The following CDKAL1 variants were observed in gnomAD, a reference collection of about 807,000 sequenced individuals.
The protein encoded by CDKAL1 is CDKAL1 threonylcarbamoyladenosine tRNA methylthiotransferase, also known as threonylcarbamoyladenosine tRNA methylthiotransferase.
In CDKAL1, 32 loss-of-function variants were observed where a neutral mutation model predicts 68.2. The observed-to-expected ratio is 0.47, with a 90% CI of 0.35 to 0.63. CDKAL1 has a LOEUF of 0.63. Among genes scored for constraint, CDKAL1 ranks in the 30% least tolerant of loss-of-function variants. The probability of loss-of-function intolerance (pLI) is 0.00; values close to 1 mark genes in which losing one functional copy is unlikely to be tolerated. For missense variants in CDKAL1, 606 were observed against 696.7 expected, an observed-to-expected ratio of 0.87 and a Z score of 1.47; for synonymous variants, 234 against 244.3, an observed-to-expected ratio of 0.96 and a Z score of 0.39.
chr6:20,976,992 A>G (rs1403281684), intron 10 of CDKAL1, among the ~76,000 whole-genome samples: 1 of 152,102 alleles, frequency 6.6e-6, no homozygotes, highest in Non-Finnish European at 1.5e-5. Flanking sequence ...GACATAATAC[A>G]CTCATTTCTC....
chr6:20,588,533 C>G (rs1400600883), intron 4 of CDKAL1, among the ~76,000 whole-genome samples: 1 of 152,164 alleles, frequency 6.6e-6, no homozygotes, highest in African/African-American at 2.4e-5. Context: ...AAGGCATCTT[C>G]GATTACAGAA....
chr6:21,043,703 G>C (rs1028010777), intron 11 of CDKAL1, among the ~76,000 whole-genome samples: 1 of 151,940 alleles, frequency 6.6e-6, no homozygotes, highest in Non-Finnish European at 1.5e-5. Context: ...TGTCGTATTC[G>C]GTTTATTTAT....
At chr6:20,852,448 C>T (rs904469218) in intron 9 of CDKAL1, among the ~76,000 whole-genome samples, 2 of 152,068 alleles carry the variant, frequency 1.3e-5, no homozygotes, top group African/African-American at 4.8e-5. Flanking sequence ...TATTTTCTAC[C>T]TGGCTTTTTC....
At chr6:21,211,024 C>T (rs1779129309) in intron 15 of CDKAL1, among the ~76,000 whole-genome samples, 1 of 152,216 alleles carries the variant, frequency 6.6e-6, no homozygotes, top group South Asian at 2.1e-4. Context: ...CCAAGTCTCA[C>T]ATTTACACCC....
intron 13 of CDKAL1, among the ~76,000 whole-genome samples, chr6:21,111,736 G>A (rs1461101294): frequency 6.6e-6 from 1 of 152,190 alleles, no homozygotes; most frequent in Non-Finnish European, 1.5e-5. Flanking sequence ...CTTGAGACTA[G>A]AAGAATTTCA....
intron 5 of CDKAL1, among the ~76,000 whole-genome samples, chr6:20,699,487 C>T (rs1457953285): frequency 5.9e-5 from 9 of 151,832 alleles, no homozygotes; most frequent in East Asian, 2.0e-4. Flanking sequence ...GAAGCATACT[C>T]GCTTAAAAAT....
chr6:20,960,323 G>T (rs1293580379), intron 10 of CDKAL1, among the ~76,000 whole-genome samples: 1 of 152,130 alleles, frequency 6.6e-6, no homozygotes, highest in Non-Finnish European at 1.5e-5. Context: ...GGGTTCGAAA[G>T]GTTAGATAAC....
intron 5 of CDKAL1, among the ~76,000 whole-genome samples, chr6:20,724,050 A>G (rs1197904439): frequency 6.6e-6 from 1 of 152,146 alleles, no homozygotes; most frequent in Non-Finnish European, 1.5e-5. Context: ...TTCCCACCTC[A>G]GCCTCCCGAG....
chr6:21,100,081 A>C (rs1398727378), intron 12 of CDKAL1, among the ~76,000 whole-genome samples: 2 of 152,126 alleles, frequency 1.3e-5, no homozygotes, highest in Non-Finnish European at 2.9e-5. Flanking sequence ...AAGACCTGCC[A>C]GGATAAATGG....
intron 10 of CDKAL1, among the ~76,000 whole-genome samples, chr6:20,991,147 A>C (rs1287554285): frequency 6.6e-6 from 1 of 152,260 alleles, no homozygotes; most frequent in African/African-American, 2.4e-5. Context: ...TCGTTACAGC[A>C]GGGATGAAAG....
intron 8 of CDKAL1, among the ~76,000 whole-genome samples, chr6:20,804,759 G>C (rs1581612723): frequency 6.6e-6 from 1 of 152,060 alleles, no homozygotes; most frequent in African/African-American, 2.4e-5. Context: ...TGGGGCCATG[G>C]GGGTGAGGTT....
intron 14 of CDKAL1, among the ~76,000 whole-genome samples, chr6:21,199,394 G>A (rs1778599002): frequency 6.6e-6 from 1 of 152,184 alleles, no homozygotes; most frequent in Non-Finnish European, 1.5e-5. Context: ...TGTCTGGCCT[G>A]CATCGCTTCC....
chr6:20,828,607 A>T (rs1463911339), intron 8 of CDKAL1, among the ~76,000 whole-genome samples: 1 of 152,164 alleles, frequency 6.6e-6, no homozygotes, highest in Non-Finnish European at 1.5e-5. Flanking sequence ...GTAATTGGTG[A>T]ACTGTTGGAA....
At position 20,612,633 on chromosome 6, in the gene CDKAL1, G is replaced by A. The variant is rs1048899865; in HGVS notation, c.287-36660G>A. The stretch of plus-strand genomic sequence containing the variant: ...TGCTGTTGAGTTCCTTATATATTCC[G>A]CTTATTAATTCTTTGTCAGAGGAAT... On this transcript the variant is annotated intron_variant, in intron 4 of 15. Transcript: ENST00000274695. 1.3e-4 allele frequency among the ~76,000 whole-genome samples: 20 copies of A among 151,530 alleles called. 1 individual carries two copies. The highest frequency in any genetic ancestry group is 4.2e-4 in the South Asian group (2 of 4,808).
intron 10 of CDKAL1, among the ~76,000 whole-genome samples, chr6:20,986,485 G>A (rs1474441639): frequency 2.0e-5 from 3 of 152,046 alleles, no homozygotes; most frequent in Non-Finnish European, 4.4e-5. Flanking sequence ...AAGAACAATG[G>A]AGATATTTTT....
chr6:21,211,953 G>T (rs545052515), intron 15 of CDKAL1, among the ~76,000 whole-genome samples: 1 of 151,944 alleles, frequency 6.6e-6, no homozygotes, highest in East Asian at 1.9e-4. Flanking sequence ...TAGAGATGAG[G>T]TCTCATTATG....
chr6:20,673,818 T>A (rs1769963270), intron 5 of CDKAL1, among the ~76,000 whole-genome samples: 1 of 152,210 alleles, frequency 6.6e-6, no homozygotes. Context: ...CTGTGAGGTC[T>A]CCCCAGCCAC....
chr6:20,626,703 G>T (rs1267302122), intron 4 of CDKAL1, among the ~76,000 whole-genome samples: 1 of 152,144 alleles, frequency 6.6e-6, no homozygotes, highest in Non-Finnish European at 1.5e-5. Context: ...TGTAATGGCA[G>T]GGCTATTGTT....
At position 21,029,109 on chromosome 6, in the gene CDKAL1, C is replaced by T. The variant is rs142343974; in HGVS notation, c.1055+28737C>T. ...TTTCCCAGGCTGGAATGCAGTGGCA[C>T]AATTATGGCTCACTGTAACCTTGAC... On this transcript the variant is annotated intron_variant, in intron 11 of 15. Transcript: ENST00000274695. Among the ~76,000 whole-genome samples, 569 of 152,268 alleles carry T rather than the reference C, an allele frequency of 3.7e-3. 2 individuals carry two copies. Among genetic ancestry groups the T allele is most frequent in the African/African-American group, 0.013 (543 of 41,558 alleles).
Sources: allele counts gnomAD v4.1 joint callset (sites outside exome capture counted in the v4.1 genomes callset), GRCh38; gene constraint gnomAD v4.1.1; transcripts MANE v1.5; gene names NCBI Gene and HGNC (gene_info 2026-07-23, HGNC 2026-07-21).